The following LAMA1 variants were observed in gnomAD, a reference collection of about 807,000 sequenced individuals.
LAMA1 encodes laminin subunit alpha-1.
LAMA1 carries 219 observed loss-of-function variants against 348.7 expected under a neutral mutation model. The observed-to-expected ratio is 0.63, with a 90% CI of 0.56 to 0.70. The LOEUF (loss-of-function observed/expected upper bound fraction) is 0.70, where lower values mean the gene tolerates loss of function less well. Among genes scored for constraint, LAMA1 ranks in the 30% least tolerant of loss-of-function variants. The pLI, the probability that LAMA1 is intolerant of heterozygous loss-of-function variation, is 0.00. For synonymous variants in LAMA1, 1,487 were observed against 1,491.0 expected (o/e 1.00, Z 0.06); for missense variants, 3,744 against 3,888.0 (o/e 0.96, Z 0.99).
At chr18:7,010,429 C>G (rs74825364) in intron 25 of LAMA1, 44 bp from the exon 26 acceptor site, 145,935 of 1,558,006 alleles carry the variant, frequency 0.094, 7,605 homozygotes, top group Non-Finnish European at 0.11. Flanking sequence ...ACAAAGCTTT[C>G]ATTCAAAAAC....
chr18:6,945,342 A>ACATG (rs2057517061), intron 61 of LAMA1, among the ~76,000 whole-genome samples: 1 of 152,184 alleles, frequency 6.6e-6, no homozygotes, highest in African/African-American at 2.4e-5. Flanking sequence ...ATGAATCGGA[A>ACATG]AAGAGGTGAA....
intron 36 of LAMA1, 92 bp from the exon 37 acceptor site, chr18:6,986,439 G>T: frequency 8.9e-7 from 1 of 1,129,102 alleles, no homozygotes; most frequent in Non-Finnish European, 1.3e-6. Flanking sequence ...ACGTATTTAT[G>T]CCTAGTCTCT....
At chr18:7,054,432 C>T (rs2126566) in intron 3 of LAMA1, among the ~76,000 whole-genome samples, 47,446 of 152,108 alleles carry the variant, frequency 0.31, 10,465 homozygotes, top group African/African-American at 0.64. Context: ...ACTTTTCTGA[C>T]AGTAAACTTA....
intron 13 of LAMA1, 81 bp downstream of exon 13, chr18:7,035,906 C>T: frequency 8.3e-7 from 1 of 1,201,060 alleles, no homozygotes; most frequent in Non-Finnish European, 1.2e-6. Context: ...CTGGGATGTC[C>T]TCACCTAGTA....
rs774240773 is a variant in LAMA1 at position 6,958,483 on chromosome 18, T to C, written c.7958A>G (p.Asn2653Ser). The stretch of plus-strand genomic sequence containing the variant: ...AGAGAGCAGGTACACTTACTCCAAA[T>C]TGAAGATCAGGTTTTTGATACAGCC... Reference protein sequence around the residue: ...FHGCIKNLIFNLELLDFNSAV... With the variant: ...FHGCIKNLIFSLELLDFNSAV... The change falls in exon 55 of 63, where the codon AAT becomes AGT. Residue 2653 changes from asparagine to serine, a missense_variant. Asn to Ser is a conservative substitution (Grantham distance 46). Transcript: ENST00000389658. The C allele has an allele frequency of 1.3e-4, 206 of 1,614,042 alleles. 3 individuals carry two copies. The South Asian group carries it at 2.1e-3, about 16-fold the overall frequency.
chr18:7,098,048 G>C (rs902520296), intron 1 of LAMA1, among the ~76,000 whole-genome samples: 3 of 150,728 alleles, frequency 2.0e-5, no homozygotes, highest in Admixed American at 6.6e-5. Context: ...ACGGGGTTTC[G>C]CTGTGTTGGC....
chr18:6,951,045 C>T (rs2143976077), intron 57 of LAMA1, 74 bp from the exon 58 acceptor site: 3 of 1,351,182 alleles, frequency 2.2e-6, no homozygotes, highest in Non-Finnish European at 3.1e-6. Context: ...AAAGAGGACC[C>T]AACAATTGTT....
chr18:7,070,314 T>C (rs1285909227), intron 3 of LAMA1, among the ~76,000 whole-genome samples: 1 of 152,190 alleles, frequency 6.6e-6, no homozygotes, highest in Non-Finnish European at 1.5e-5. Context: ...TCTATCTGAG[T>C]GCTTCTAGGA....
At chr18:7,094,458 T>A (rs1304305928) in intron 1 of LAMA1, among the ~76,000 whole-genome samples, 2 of 149,780 alleles carry the variant, frequency 1.3e-5, no homozygotes, top group Admixed American at 1.3e-4. Context: ...AGATATTAGA[T>A]GATCTCCTGG....
rs1175619262 is a variant in LAMA1, at chr18:7,083,076, G to C, written c.62-2619C>G. ...TGAGAAAAAGCAGCTCAAACCTCAT[G>C]AACATAAATTTAACTGTTTTTGGAG... On this transcript the variant is annotated intron_variant, in intron 1 of 62. Transcript: ENST00000389658. 2.0e-5 allele frequency among the ~76,000 whole-genome samples: 3 copies of C among 151,898 alleles called. No individual in the cohort carries two copies. The South Asian group carries it at 6.2e-4, about 32-fold the overall frequency.
intron 55 of LAMA1, among the ~76,000 whole-genome samples, chr18:6,958,044 G>C (rs2057588619): frequency 6.6e-6 from 1 of 152,116 alleles, no homozygotes; most frequent in African/African-American, 2.4e-5. Flanking sequence ...ACCCCCAAAG[G>C]CTTCTGGTTC....
chr18:7,023,096 G>GTGAC, intron 19 of LAMA1, 68 bp downstream of exon 19: 2 of 1,518,234 alleles, frequency 1.3e-6, no homozygotes, highest in Non-Finnish European at 1.8e-6. Flanking sequence ...TGTGACACAT[G>GTGAC]TGACTATACG....
Position 6,977,829 on chromosome 18 carries a change from C to G in LAMA1, c.6243G>C (p.Leu2081Phe). The change falls in exon 44 of 63, where the codon TTG (leucine) becomes TTC (phenylalanine). Residue 2081 changes from leucine (L) to phenylalanine (F), a missense_variant. Leu to Phe is a conservative substitution (Grantham distance 22). This residue lies in a region of LAMA1 where 1,983 missense variants were observed against 1,934.3 expected (regional missense o/e 1.03). Coordinates refer to ENST00000389658, the MANE Select transcript of LAMA1 (RefSeq NM_005559.4). ...VKDVEIQANL[L>F]FDRLKPLKML... The stretch of plus-strand genomic sequence containing the variant: ...TCTTCAAAGGCTTCAACCGATCAAA[C>G]AAAAGGTTGGCTTGAATTTCCACGT... The G allele has an allele frequency of 6.2e-7, 1 of 1,614,112 alleles. No individual in the cohort carries two copies. Among genetic ancestry groups the G allele is most frequent in the Non-Finnish European group, 8.5e-7 (1 of 1,180,038 alleles).
intron 8 of LAMA1, 187 bp from the exon 9 acceptor site, chr18:7,042,437 G>C (rs2058024648): frequency 3.4e-6 from 2 of 580,648 alleles, no homozygotes; most frequent in South Asian, 1.9e-5. Flanking sequence ...ACATCTTTTT[G>C]ATGGTGGCAG....
intron 10 of LAMA1, among the ~76,000 whole-genome samples, chr18:7,039,425 G>A (rs2058010775): frequency 6.6e-6 from 1 of 152,048 alleles, no homozygotes; most frequent in Non-Finnish European, 1.5e-5. Flanking sequence ...CCCCTCACTG[G>A]CACCATATTA....
At chr18:7,092,623 C>CG (rs1268110104) in intron 1 of LAMA1, among the ~76,000 whole-genome samples, 4 of 81,864 alleles carry the variant, frequency 4.9e-5, no homozygotes, top group African/African-American at 2.2e-4. Flanking sequence ...GTCTCTGTCT[C>CG]GGGAAAAAAA....
chr18:7,043,355 CA>C lies in LAMA1; in HGVS notation c.1026del (p.Ala343GlnfsTer7). 2 of 1,613,980 alleles carry C rather than the reference CA, an allele frequency of 1.2e-6. No individual in the cohort carries two copies. Among genetic ancestry groups the C allele is most frequent in the Non-Finnish European group, 1.7e-6 (2 of 1,180,004 alleles). On this transcript the variant is annotated frameshift_variant, in exon 8 of 63. Transcript: ENST00000389658. LOFTEE classifies it high-confidence loss of function. ...GTATTCAAACTTTTCTTCTGCTTTG[CA>C]ACACTTTCATCATAGTAACAGTCTT... ...KAKDCYYDES[V>X]AKQKKSLNTA...
chr18:6,997,969 T>C, intron 32 of LAMA1, 85 bp from the exon 33 acceptor site: 1 of 1,260,566 alleles, frequency 7.9e-7, no homozygotes, highest in East Asian at 2.3e-5. Context: ...CAAGTTGTTT[T>C]GTGAAAATGA....
intron 3 of LAMA1, among the ~76,000 whole-genome samples, chr18:7,054,946 ATACAACACAT>A (rs2058075667): frequency 6.6e-6 from 1 of 152,212 alleles, no homozygotes; most frequent in Non-Finnish European, 1.5e-5. Context: ...AATACAATAC[ATACAACACAT>A]AAAATATGTG....
Sources: gnomAD v4.1 joint callset for allele counts (sites outside exome capture counted in the v4.1 genomes callset) on GRCh38, gnomAD v4.1.1 for gene constraint, gnomAD v4.1.1 regional missense constraint, MANE v1.5 for transcripts, NCBI Gene and HGNC (gene_info 2026-07-23, HGNC 2026-07-21) for gene names.